RBMS2: variants seen among roughly 807,000 people sequenced by gnomAD.
RBMS2 encodes the protein RNA-binding motif, single-stranded-interacting protein 2.
A neutral mutation model predicts 58.4 loss-of-function variants in RBMS2; 38 were observed. The ratio of observed to expected loss-of-function variants is 0.65; its 90% CI spans 0.50 to 0.85. The LOEUF is 0.85. Among genes scored for constraint, RBMS2 ranks in the 40% least tolerant of loss-of-function variants. RBMS2 has a pLI of 0.00. For missense variants in RBMS2, 367 were observed against 503.7 expected (o/e 0.73, Z 2.60); for synonymous variants, 151 against 180.7 (o/e 0.84, Z 1.32).
At chr12:56,567,822 C>T (rs1020490553) in intron 2 of RBMS2, among the ~76,000 whole-genome samples, 1 of 152,042 alleles carries the variant, frequency 6.6e-6, no homozygotes, top group Non-Finnish European at 1.5e-5. Flanking sequence ...CAGAGCCAGA[C>T]CCTGATGCAC....
rs142423215 is a variant in RBMS2 at position 56,560,833 on chromosome 12, G to C, written c.67-1584G>C. 1.6e-3 allele frequency among the ~76,000 whole-genome samples: 247 copies of C among 152,202 alleles called. 5 individuals carry two copies. Among genetic ancestry groups the C allele is most frequent in the Admixed American group, 0.014 (220 of 15,264 alleles). Reference sequence around the variant, plus strand: ...ATACAGGTAATCTTGTGTCATGGGGGTTTGTTTTACAAATTATGTTGTCAC... The same window carrying C: ...ATACAGGTAATCTTGTGTCATGGGGCTTTGTTTTACAAATTATGTTGTCAC... On this transcript the variant is annotated intron_variant, in intron 1 of 13. Coordinates refer to ENST00000262031, the MANE Select transcript of RBMS2 (RefSeq NM_002898.4).
At chr12:56,539,706 G>T (rs1396044733) in intron 1 of RBMS2, 5 of 451,800 alleles carry the variant, frequency 1.1e-5, no homozygotes, top group South Asian at 1.6e-5. Context: ...GTTCGCTCTT[G>T]TTGCCCAGAC....
At chr12:56,522,154 G>A (rs1488726906) in intron 1 of RBMS2, 65 bp downstream of exon 1, 1 of 1,317,170 alleles carries the variant, frequency 7.6e-7, no homozygotes, top group Non-Finnish European at 1.1e-6. Flanking sequence ...AATGCCCTTG[G>A]TTTTTACATT....
At chr12:56,581,295 C>T in intron 6 of RBMS2, 32 bp downstream of exon 6, 2 of 1,584,916 alleles carry the variant, frequency 1.3e-6, no homozygotes, top group Non-Finnish European at 1.7e-6. Flanking sequence ...CTGAGAGGGC[C>T]ACAGGTTGTT....
rs7134789 is a variant in RBMS2 at position 56,561,846 on chromosome 12, C to T, written c.67-571C>T. 7.1e-3 allele frequency among the ~76,000 whole-genome samples: 1,061 copies of T among 150,028 alleles called. 14 individuals are homozygous for T. The highest frequency in any genetic ancestry group is 0.025 in the African/African-American group (997 of 40,652). On this transcript the variant is annotated intron_variant, in intron 1 of 13. Coordinates refer to ENST00000262031, the MANE Select transcript of RBMS2 (RefSeq NM_002898.4). ...TGCATTTCTTTTCCAAACGTGCTGT[C>T]GCCCAGGCTGGAGTGCAGTGGCGCG...
In RBMS2 at chr12:56,553,581, G is replaced by C. The variant is rs1878681718; in HGVS notation, c.67-8836G>C. 2.6e-5 allele frequency among the ~76,000 whole-genome samples: 4 copies of C among 151,904 alleles called. No individual in the cohort carries two copies. The South Asian group carries it at 8.3e-4, about 32-fold the overall frequency. On this transcript the variant is annotated intron_variant, in intron 1 of 13. Transcript: ENST00000262031. ...GACCTCAGGTGATCTGCCCACGATG[G>C]CCTCCTAAAGTGCTAGGATTACAAG...
chr12:56,572,685 A>G (rs1592465138), intron 5 of RBMS2: 1 of 663,038 alleles, frequency 1.5e-6, no homozygotes, highest in Middle Eastern at 7.7e-4. Context: ...TTCAGTAGAA[A>G]TGATTTGCCC....
chr12:56,575,880 G>A (rs907377984), intron 5 of RBMS2, among the ~76,000 whole-genome samples: 2 of 148,992 alleles, frequency 1.3e-5, no homozygotes, highest in African/African-American at 5.0e-5. Context: ...GGCGACAAGA[G>A]CAAAACTCCA....
chr12:56,583,890 T>C lies in RBMS2; in HGVS notation c.873+1738T>C, dbSNP rs1884313003. ...ATTAATCTTCTAAATGTTATCTTTG[T>C]TACAAATTTTTTTCCAATTTTATTT... On this transcript the variant is annotated intron_variant, in intron 9 of 13. Coordinates refer to ENST00000262031, the MANE Select transcript of RBMS2 (RefSeq NM_002898.4). Among the ~76,000 whole-genome samples the C allele has an allele frequency of 2.6e-5, 4 of 152,242 alleles. No homozygotes were observed. In the South Asian group the frequency reaches 6.2e-4, roughly 24 times the overall value.
At chr12:56,576,065 C>T (rs1409840335) in intron 5 of RBMS2, among the ~76,000 whole-genome samples, 2 of 150,640 alleles carry the variant, frequency 1.3e-5, no homozygotes, top group Admixed American at 6.6e-5. Context: ...AGGCTGGGCT[C>T]GGTGGCTCAT....
chr12:56,563,781 T>C (rs1880855903), intron 2 of RBMS2, among the ~76,000 whole-genome samples: 1 of 151,642 alleles, frequency 6.6e-6, no homozygotes, highest in Non-Finnish European at 1.5e-5. Context: ...CTATAAAAAA[T>C]ATAGTAAAAA....
chr12:56,547,941 C>T (rs527934142), intron 1 of RBMS2, among the ~76,000 whole-genome samples: 28 of 152,022 alleles, frequency 1.8e-4, no homozygotes, highest in South Asian at 6.2e-4. Context: ...TGTGAGCCAC[C>T]GTGCCCAGCC....
At chr12:56,574,897 C>T (rs1054942035) in intron 5 of RBMS2, among the ~76,000 whole-genome samples, 5 of 152,176 alleles carry the variant, frequency 3.3e-5, no homozygotes, top group African/African-American at 1.2e-4. Context: ...GCCTATAATC[C>T]TAGCACTTTG....
rs145406051 is a variant in RBMS2, at chr12:56,594,585, C to CATT, written c.*5453_*5455dup. 129 of 152,330 alleles carry CATT rather than the reference C, an allele frequency of 8.5e-4. 1 individual carries two copies. The highest frequency in any genetic ancestry group is 2.9e-3 in the African/African-American group (121 of 41,580). The allele number at this position is 152,330 out of a possible 1,614,324, so 9.4% of individuals were successfully genotyped here. On this transcript the variant is annotated 3_prime_UTR_variant, in exon 14 of 14. Transcript: ENST00000262031. Reference sequence around the variant, plus strand: ...CATTAGCAAATTCCTGAAATTTCCTCATTTGGTAGGCCTTCCATAGGAGTC... The same window carrying CATT: ...CATTAGCAAATTCCTGAAATTTCCTCATTATTTGGTAGGCCTTCCATAGGAGTC...
At chr12:56,551,549 T>C (rs187772273) in intron 1 of RBMS2, among the ~76,000 whole-genome samples, 9 of 152,260 alleles carry the variant, frequency 5.9e-5, no homozygotes, top group Admixed American at 5.9e-4. Flanking sequence ...TGGGTTTATA[T>C]AGAGAGAAAT....
intron 2 of RBMS2, among the ~76,000 whole-genome samples, chr12:56,568,607 GCTCACTGCAACCTCCAC>G (rs1003067679): frequency 5.3e-5 from 8 of 150,812 alleles, no homozygotes; most frequent in African/African-American, 2.0e-4. Context: ...TGCCATCTTG[GCTCACTGCAACCTCCAC>G]CTCACAGGTT....
At chr12:56,573,394 T>C (rs1216277506) in intron 5 of RBMS2, among the ~76,000 whole-genome samples, 14 of 144,678 alleles carry the variant, frequency 9.7e-5, no homozygotes, top group Admixed American at 8.2e-4. Flanking sequence ...GGAGAATCAC[T>C]TGAACCCGGG....
chr12:56,589,386 A>G lies in RBMS2; in HGVS notation c.*253A>G, dbSNP rs1885136737. ...GTGCTACATTCAAGGAGATCAAAAA[A>G]ACTTTTCTTCTTTTGCAAAGAAAGC... is the stretch of plus-strand genomic sequence containing the variant. On this transcript the variant is annotated 3_prime_UTR_variant, in exon 14 of 14. Coordinates refer to ENST00000262031, the MANE Select transcript of RBMS2 (RefSeq NM_002898.4). The G allele has an allele frequency of 9.7e-7, 1 of 1,028,748 alleles. No individual in the cohort carries two copies. Among genetic ancestry groups the G allele is most frequent in the South Asian group, 2.1e-5 (1 of 47,002 alleles). 63.7% of individuals were successfully genotyped at this position (1,028,748 alleles called of 1,614,324 possible).
At chr12:56,588,228 C>G in intron 11 of RBMS2, 66 bp from the exon 12 acceptor site, 1 of 1,276,738 alleles carries the variant, frequency 7.8e-7, no homozygotes. Context: ...TTTTTTAAAG[C>G]CCCTCAGCTG....
Sources: gnomAD v4.1 joint callset for allele counts (sites outside exome capture counted in the v4.1 genomes callset) on GRCh38, gnomAD v4.1.1 for gene constraint, MANE v1.5 for transcripts, NCBI Gene and HGNC (gene_info 2026-07-23, HGNC 2026-07-21) for gene names.